BRAP: variants seen among roughly 807,000 people sequenced by gnomAD.
BRAP encodes the protein BRCA1-associated protein.
In BRAP, 42 loss-of-function variants were observed where a neutral mutation model predicts 73.4. The ratio of observed to expected loss-of-function variants is 0.57; its 90% CI spans 0.45 to 0.74. The LOEUF (loss-of-function observed/expected upper bound fraction) is 0.74. BRAP is among the 30% of genes least tolerant of loss of function. The pLI is 0.00. For synonymous variants in BRAP, 255 were observed against 267.4 expected, an observed-to-expected ratio of 0.95 and a Z score of 0.45; for missense variants, 593 against 751.4, an observed-to-expected ratio of 0.79 and a Z score of 2.46.
At position 111,656,140 on chromosome 12, in the gene BRAP, C is replaced by T. The variant is rs375400001; in HGVS notation, c.1222-485G>A. ...GACTGGACTGTGAACTCTTTGAAAG[C>T]AAGGGTTATATCTCTACTGCTGTAT... On this transcript the variant is annotated intron_variant, in intron 9 of 11. Transcript: ENST00000419234. 4.5e-4 allele frequency among the ~76,000 whole-genome samples: 68 copies of T among 152,304 alleles called. No individual in the cohort carries two copies. The South Asian group carries it at 0.013, about 29-fold the overall frequency.
intron 9 of BRAP, among the ~76,000 whole-genome samples, chr12:111,656,703 A>G (rs73418315): frequency 0.082 from 12,434 of 152,156 alleles, 1,695 homozygotes; most frequent in African/African-American, 0.28. Context: ...CACTAGCACC[A>G]GTGGCTGACA....
chr12:111,663,632 G>A (rs1222971615), intron 6 of BRAP, among the ~76,000 whole-genome samples: 1 of 152,080 alleles, frequency 6.6e-6, no homozygotes, highest in African/African-American at 2.4e-5. Flanking sequence ...GAGTACCCCT[G>A]GTTGGGGATG....
Position 111,651,922 on chromosome 12 carries a change from C to T in BRAP, c.1312-1880G>A, listed in dbSNP as rs1886342256. Among the ~76,000 whole-genome samples the T allele has an allele frequency of 2.0e-5, 3 of 152,092 alleles. No individual in the cohort carries two copies. In the South Asian group the frequency reaches 6.2e-4, roughly 32 times the overall value. On this transcript the variant is annotated intron_variant, in intron 10 of 11. Coordinates refer to ENST00000419234, the MANE Select transcript of BRAP (RefSeq NM_006768.5). Reference sequence around the variant, plus strand: ...AAGTGCTAGGATTACAGGCATAAGCCACCACGCCTGGCTGGAAGAGAGATT... The same window carrying T: ...AAGTGCTAGGATTACAGGCATAAGCTACCACGCCTGGCTGGAAGAGAGATT...
intron 9 of BRAP, among the ~76,000 whole-genome samples, chr12:111,656,807 C>A (rs1359494360): frequency 6.6e-6 from 1 of 152,134 alleles, no homozygotes; most frequent in Non-Finnish European, 1.5e-5. Flanking sequence ...AATCACGACT[C>A]ACTGCAACCT....
At chr12:111,656,808 A>C (rs1175494786) in intron 9 of BRAP, among the ~76,000 whole-genome samples, 1 of 151,962 alleles carries the variant, frequency 6.6e-6, no homozygotes, top group East Asian at 1.9e-4. Context: ...ATCACGACTC[A>C]CTGCAACCTC....
chr12:111,665,829 A>T lies in BRAP; in HGVS notation c.748-42T>A, dbSNP rs777517561. ...ACATAAGCCTCACTCTTCATCTACCAGCAATACTTTATTTTTCCTTCTTTT... is the reference window on the plus strand; with the variant it reads ...ACATAAGCCTCACTCTTCATCTACCTGCAATACTTTATTTTTCCTTCTTTT... On this transcript the variant is annotated intron_variant, in intron 5 of 11. Coordinates refer to ENST00000419234, the MANE Select transcript of BRAP (RefSeq NM_006768.5). This position sits in a 1 kb window ranked among gnomAD's most constrained non-coding sequence, Gnocchi z 4.3. 1 of 1,610,010 alleles carries T rather than the reference A, an allele frequency of 6.2e-7. No homozygotes were observed. The highest frequency in any genetic ancestry group is 8.5e-7 in the Non-Finnish European group (1 of 1,176,590).
At chr12:111,684,150 A>G (rs1887706249) in intron 1 of BRAP, among the ~76,000 whole-genome samples, 2 of 152,182 alleles carry the variant, frequency 1.3e-5, no homozygotes, top group Non-Finnish European at 2.9e-5. Flanking sequence ...TCCCTAATAC[A>G]TGCTCTGTCA....
chr12:111,647,073 C>T lies in BRAP; in HGVS notation c.1416-2511G>A, dbSNP rs938768976. Among the ~76,000 whole-genome samples the T allele has an allele frequency of 1.3e-5, 2 of 152,192 alleles. 1 individual carries two copies. On this transcript the variant is annotated intron_variant, in intron 11 of 11. Coordinates refer to ENST00000419234, the MANE Select transcript of BRAP (RefSeq NM_006768.5). ...TCACTTGAGGCTAAGAGTTCAAAAC[C>T]AGCCTGGGCAATATGGCAAGACCCC...
Position 111,654,761 on chromosome 12 carries a change from C to T in BRAP, c.1311+805G>A, listed in dbSNP as rs77991267. 2.3e-4 allele frequency among the ~76,000 whole-genome samples: 35 copies of T among 152,326 alleles called. No individual in the cohort carries two copies. In the East Asian group the frequency reaches 6.2e-3, roughly 27 times the overall value. ...GGTGGGCCCCAAGCCCAGCTCTGTA[C>T]TGCCTATCTGAAGGCCCAAGGATAG... On this transcript the variant is annotated intron_variant, in intron 10 of 11. Coordinates refer to ENST00000419234, the MANE Select transcript of BRAP (RefSeq NM_006768.5).
In BRAP at chr12:111,665,890, T is replaced by C. The variant is rs139705179; in HGVS notation, c.748-103A>G. The C allele has an allele frequency of 4.1e-6, 6 of 1,448,102 alleles. No homozygotes were observed. Among genetic ancestry groups the C allele is most frequent in the Non-Finnish European group, 4.7e-6 (5 of 1,064,950 alleles). 89.7% of individuals were successfully genotyped at this position (1,448,102 alleles called of 1,614,324 possible). A position where few individuals can be genotyped will look rare whatever the true frequency, so the allele number is the denominator to read the frequency against. ...GGGTCTCGCTCTCTGTCACCCACGC[T>C]GGAGCCCAGTGGCGCAATCATGGCT... On this transcript the variant is annotated intron_variant, in intron 5 of 11. Coordinates refer to ENST00000419234, the MANE Select transcript of BRAP (RefSeq NM_006768.5). The surrounding 1 kb of genome is among the most constrained non-coding windows in gnomAD (Gnocchi z 4.3).
chr12:111,646,476 T>C (rs1886116497), intron 11 of BRAP, among the ~76,000 whole-genome samples: 1 of 151,902 alleles, frequency 6.6e-6, no homozygotes, highest in Non-Finnish European at 1.5e-5. Flanking sequence ...GCAATATCTA[T>C]AAAAACAAAA....
In BRAP at chr12:111,658,773, G is replaced by A; in HGVS notation, c.1184C>T (p.Thr395Ile). The A allele has an allele frequency of 1.2e-6, 2 of 1,611,848 alleles. No homozygotes were observed. The highest frequency in any genetic ancestry group is 2.2e-5 in the East Asian group (1 of 44,832). ...KIVQYECEGD[T>I]CQEEKIDALQ... ...GGCATCTATTTTCTCTTCCTGGCAA[G>A]TATCCCCCTCACATTCATACTGTAC... The change falls in exon 9 of 12, where the codon ACT (threonine) becomes ATT (isoleucine). Residue 395 changes from threonine (T) to isoleucine (I), a missense_variant. Around this residue, in one of 4 missense-constraint regions of BRAP, gnomAD observed 143 missense variants for 190.4 expected, o/e 0.75. Transcript: ENST00000419234.
chr12:111,681,140 C>T (rs965774758), intron 3 of BRAP, among the ~76,000 whole-genome samples: 2 of 151,926 alleles, frequency 1.3e-5, no homozygotes, highest in Admixed American at 6.6e-5. Context: ...GAGGCTGAGG[C>T]GGGCGGATAA....
In BRAP at chr12:111,681,823, G is replaced by A; in HGVS notation, c.257C>T (p.Thr86Ile). 1 of 1,609,720 alleles carries A rather than the reference G, an allele frequency of 6.2e-7. No homozygotes were observed. The highest frequency in any genetic ancestry group is 8.5e-7 in the Non-Finnish European group (1 of 1,178,118). Reference sequence around the variant, plus strand: ...TGAAGACTTCCTTTCTTCCACTGTAGTTTTTAGTTCATCTTTCACCAGTTA... The same window carrying A: ...TGAAGACTTCCTTTCTTCCACTGTAATTTTTAGTTCATCTTTCACCAGTTA... ...TMKSNPDELK[T>I]TVEERKSSEA... The change falls in exon 3 of 12, where the codon ACT (threonine) becomes ATT (isoleucine). Residue 86 changes from threonine to isoleucine, a missense_variant. Thr to Ile is a moderately conservative substitution (Grantham distance 89). Coordinates refer to ENST00000419234, the MANE Select transcript of BRAP (RefSeq NM_006768.5).
intron 4 of BRAP, among the ~76,000 whole-genome samples, chr12:111,675,476 ATAT>A (rs1160563548): frequency 6.7e-6 from 1 of 148,614 alleles, no homozygotes; most frequent in African/African-American, 2.5e-5. Flanking sequence ...ACCTGTTCAC[ATAT>A]TTTCTGAGCA....
chr12:111,656,249 G>C (rs1031856546), intron 9 of BRAP, among the ~76,000 whole-genome samples: 1 of 152,248 alleles, frequency 6.6e-6, no homozygotes, highest in African/African-American at 2.4e-5. Context: ...TGTAACCACA[G>C]GGAAGGGACA....
At position 111,644,050 on chromosome 12, in the gene BRAP, T is replaced by A; in HGVS notation, c.*149A>T. On this transcript the variant is annotated 3_prime_UTR_variant, in exon 12 of 12. Coordinates refer to ENST00000419234, the MANE Select transcript of BRAP (RefSeq NM_006768.5). ...GTCAGCACCCTTTACATTCACTACA[T>A]CACACACTAGCAAATGAAAGAGCCA... The A allele has an allele frequency of 8.1e-7, 1 of 1,231,678 alleles. No individual in the cohort carries two copies. The highest frequency in any genetic ancestry group is 1.1e-6 in the Non-Finnish European group (1 of 910,544). The allele number at this position is 1,231,678 out of a possible 1,614,324, so 76.3% of individuals were successfully genotyped here.
At chr12:111,670,392 A>T in intron 5 of BRAP, 1 of 365,424 alleles carries the variant, frequency 2.7e-6, no homozygotes, top group Non-Finnish European at 5.4e-6. Context: ...CCACCCACTT[A>T]TCAAATTTTG....
chr12:111,645,703 G>A (rs1886086764), intron 11 of BRAP, among the ~76,000 whole-genome samples: 1 of 152,204 alleles, frequency 6.6e-6, no homozygotes, highest in Admixed American at 6.6e-5. Context: ...GAGGCCAGGT[G>A]CATTGGCTCA....
Sources: gnomAD v4.1 joint callset for allele counts (sites outside exome capture counted in the v4.1 genomes callset) on GRCh38, gnomAD v4.1.1 for gene constraint, gnomAD v4.1.1 regional missense constraint, Gnocchi (gnomAD v3.1) non-coding constraint, MANE v1.5 for transcripts, NCBI Gene and HGNC (gene_info 2026-07-23, HGNC 2026-07-21) for gene names.